Variants in FAM83A observed in about 807,000 individuals in gnomAD.
FAM83A encodes the protein scaffolding CK1 anchoring protein A.
FAM83A carries 21 observed loss-of-function variants against 24.4 expected under a neutral mutation model. That is an observed-to-expected ratio of 0.86 (90% CI 0.61 to 1.24). The LOEUF is 1.24. Among genes scored for constraint, FAM83A ranks in the 50% most tolerant of loss-of-function variants. The probability of loss-of-function intolerance (pLI) is 0.00; values close to 1 mark genes in which losing one functional copy is unlikely to be tolerated. For missense variants in FAM83A, 617 were observed against 579.8 expected, an observed-to-expected ratio of 1.06 and a Z score of -0.66; for synonymous variants, 270 against 252.4, an observed-to-expected ratio of 1.07 and a Z score of -0.66.
At chr8:123,191,015 G>A (rs1402955863) in intron 1 of FAM83A, among the ~76,000 whole-genome samples, 2 of 152,164 alleles carry the variant, frequency 1.3e-5, no homozygotes, top group African/African-American at 4.8e-5. Flanking sequence ...GCCAACAGGG[G>A]ATGCCATGCT....
intron 3 of FAM83A, among the ~76,000 whole-genome samples, chr8:123,194,987 C>G (rs1479401937): frequency 6.6e-6 from 1 of 152,070 alleles, no homozygotes; most frequent in Non-Finnish European, 1.5e-5. Flanking sequence ...TGAAACTTGA[C>G]TTCAGAGCTT....
chr8:123,209,412 T>G lies in FAM83A; in HGVS notation c.*1724T>G. On this transcript the variant is annotated 3_prime_UTR_variant, in exon 4 of 4. Transcript: ENST00000690554. The surrounding 1 kb of genome is among the most constrained non-coding windows in gnomAD (Gnocchi z 4.7). ...AATTATTGTATTCCTGTCCTTCACT[T>G]TTTTCCTCCTTAGTTCCTGAAAGTA... 6.2e-7 allele frequency: 1 copy of G among 1,612,944 alleles called. No individual in the cohort carries two copies. Among genetic ancestry groups the G allele is most frequent in the South Asian group, 1.1e-5 (1 of 91,016 alleles).
chr8:123,184,447 AG>A (rs1247451055), intron 1 of FAM83A, among the ~76,000 whole-genome samples: 2 of 152,098 alleles, frequency 1.3e-5, no homozygotes, highest in African/African-American at 2.4e-5. Context: ...TAGGCAGCAG[AG>A]GGGGTTTCTC....
chr8:123,198,314 C>T (rs182192145), intron 3 of FAM83A, among the ~76,000 whole-genome samples: 2 of 152,028 alleles, frequency 1.3e-5, no homozygotes, highest in African/African-American at 2.4e-5. Context: ...GCATTGCACA[C>T]GACCATGGGG....
chr8:123,185,417 T>C (rs989208937), intron 1 of FAM83A, among the ~76,000 whole-genome samples: 2 of 152,210 alleles, frequency 1.3e-5, no homozygotes, highest in African/African-American at 4.8e-5. Context: ...CACAGTCCCC[T>C]GGCTGAGTCC....
At chr8:123,208,933 C>T in exon 4 of FAM83A, 1 of 982,676 alleles carries the variant, frequency 1.0e-6, no homozygotes, top group Non-Finnish European at 1.2e-6. Context: ...CACTGCACTC[C>T]AGCATGGGCA....
At chr8:123,196,685 G>A (rs1824167226) in intron 3 of FAM83A, among the ~76,000 whole-genome samples, 1 of 152,102 alleles carries the variant, frequency 6.6e-6, no homozygotes, top group South Asian at 2.1e-4. Flanking sequence ...CGACATTTTG[G>A]TTCCTATTAA....
chr8:123,209,340 C>G lies in FAM83A; in HGVS notation c.*1652C>G. The G allele has an allele frequency of 6.9e-7, 1 of 1,449,342 alleles. No individual in the cohort carries two copies. The highest frequency in any genetic ancestry group is 9.0e-7 in the Non-Finnish European group (1 of 1,107,170). 89.8% of individuals were successfully genotyped at this position (1,449,342 alleles called of 1,614,324 possible). On this transcript the variant is annotated 3_prime_UTR_variant, in exon 4 of 4. Transcript: ENST00000690554. The surrounding 1 kb of genome is among the most constrained non-coding windows in gnomAD (Gnocchi z 4.7). ...AATTCTCCACTGCTCCCAGCATGAT[C>G]TGGGGCATCTTGGCTTCTGGTTTCT...
chr8:123,185,224 G>A (rs546982769), intron 1 of FAM83A, among the ~76,000 whole-genome samples: 1 of 152,266 alleles, frequency 6.6e-6, no homozygotes, highest in African/African-American at 2.4e-5. Flanking sequence ...CTCCTATGCC[G>A]GACTAAAGTC....
Position 123,196,010 on chromosome 8 carries a change from T to C in FAM83A, c.773+1862T>C, listed in dbSNP as rs148810530. 2.0e-5 allele frequency among the ~76,000 whole-genome samples: 3 copies of C among 152,224 alleles called. No homozygotes were observed. In the South Asian group the frequency reaches 6.2e-4, roughly 32 times the overall value. ...AAGTGTGTCTTTTGTGAACAACATA[T>C]CATTAATTTTTGTTTTTTTGAGACG... is the stretch of plus-strand genomic sequence containing the variant. On this transcript the variant is annotated intron_variant, in intron 3 of 3. Transcript: ENST00000690554.
intron 3 of FAM83A, among the ~76,000 whole-genome samples, chr8:123,206,746 G>A (rs988175902): frequency 3.9e-5 from 6 of 152,144 alleles, no homozygotes; most frequent in Admixed American, 2.0e-4. Flanking sequence ...GAGAGGTGTC[G>A]CAATGTCTCT....
chr8:123,207,485 C>T, exon 4 of FAM83A: 1 of 1,583,400 alleles, frequency 6.3e-7, no homozygotes, highest in Non-Finnish European at 8.6e-7. Flanking sequence ...TCCACCGCCC[C>T]GGTTCCAGCC....
At chr8:123,205,234 G>A (rs1186662526) in intron 3 of FAM83A, among the ~76,000 whole-genome samples, 1 of 152,230 alleles carries the variant, frequency 6.6e-6, no homozygotes, top group Non-Finnish European at 1.5e-5. Flanking sequence ...GGGGACCTGA[G>A]GAGTTGCCAG....
Position 123,199,639 on chromosome 8 carries a change from CAGG to C in FAM83A, c.773+5494_773+5496del, listed in dbSNP as rs58312339. ...ATCCCAGCTGCTCAGGAGGCTGAGG[CAGG>C]AGAATAGCTTGAACCCAGGAGGCAG... On this transcript the variant is annotated intron_variant, in intron 3 of 3. Coordinates refer to ENST00000690554, the Ensembl canonical transcript of FAM83A. Among the ~76,000 whole-genome samples the C allele has an allele frequency of 1.8e-3, 272 of 151,956 alleles. 2 individuals are homozygous for C. The highest frequency in any genetic ancestry group is 6.4e-3 in the African/African-American group (263 of 41,406).
At chr8:123,191,751 T>C in intron 1 of FAM83A, 52 bp from the exon 2 acceptor site, 1 of 1,595,002 alleles carries the variant, frequency 6.3e-7, no homozygotes, top group Non-Finnish European at 8.6e-7. Flanking sequence ...GTGAAACCAG[T>C]TAGCACCTGC....
At chr8:123,189,618 G>A (rs1453810652) in intron 1 of FAM83A, among the ~76,000 whole-genome samples, 5 of 152,166 alleles carry the variant, frequency 3.3e-5, no homozygotes, top group African/African-American at 1.2e-4. Flanking sequence ...GCCTCCTTTG[G>A]AAAGACTAAT....
chr8:123,209,700 G>A lies in FAM83A; in HGVS notation c.*2012G>A. 1 of 799,612 alleles carries A rather than the reference G, an allele frequency of 1.3e-6. No individual in the cohort carries two copies. The highest frequency in any genetic ancestry group is 2.0e-6 in the Non-Finnish European group (1 of 502,286). The allele number at this position is 799,612 out of a possible 1,614,324, so 49.5% of individuals were successfully genotyped here. On this transcript the variant is annotated 3_prime_UTR_variant, in exon 4 of 4. Transcript: ENST00000690554. This position sits in a 1 kb window ranked among gnomAD's most constrained non-coding sequence, Gnocchi z 4.7. ...GTGTCGAGCTCAGTCCTGGGAGATA[G>A]GGGAGAACCTGCAGGCAGGAACAAG...
intron 3 of FAM83A, among the ~76,000 whole-genome samples, chr8:123,204,817 T>A (rs1024404002): frequency 8.3e-5 from 12 of 144,572 alleles, no homozygotes; most frequent in Non-Finnish European, 1.8e-4. Context: ...ATCAAAAGTA[T>A]AAAAGCTAAA....
chr8:123,193,122 T>G (rs558317813), intron 2 of FAM83A, among the ~76,000 whole-genome samples: 44 of 152,304 alleles, frequency 2.9e-4, no homozygotes, highest in African/African-American at 1.0e-3. Flanking sequence ...TCTCCAGCCT[T>G]CCAGCTGTAC....
Sources: allele counts gnomAD v4.1 joint callset (sites outside exome capture counted in the v4.1 genomes callset), GRCh38; gene constraint gnomAD v4.1.1; non-coding constraint Gnocchi (gnomAD v3.1); transcripts MANE v1.5; gene names NCBI Gene and HGNC (gene_info 2026-07-23, HGNC 2026-07-21).